FAM168A: variants seen among roughly 807,000 people sequenced by gnomAD.
The protein encoded by FAM168A is protein FAM168A.
A neutral mutation model predicts 28.5 loss-of-function variants in FAM168A; 3 were observed. The observed-to-expected ratio is 0.11, with a 90% CI of 0.05 to 0.27. The LOEUF is 0.27. FAM168A is among the 10% of genes least tolerant of loss of function. FAM168A has a pLI of 1.00. For synonymous variants in FAM168A, 122 were observed against 124.2 expected (o/e 0.98, Z 0.12); for missense variants, 222 against 311.5 (o/e 0.71, Z 2.16).
intron 1 of FAM168A, among the ~76,000 whole-genome samples, chr11:73,579,544 C>T (rs1001657064): frequency 6.6e-6 from 1 of 152,160 alleles, no homozygotes; most frequent in Non-Finnish European, 1.5e-5. Flanking sequence ...GGTAAAATAT[C>T]ATCAGTGTCA....
At chr11:73,446,646 T>C (rs1290073752) in intron 2 of FAM168A, among the ~76,000 whole-genome samples, 1 of 152,094 alleles carries the variant, frequency 6.6e-6, no homozygotes, top group East Asian at 1.9e-4. Flanking sequence ...CAACATCAAG[T>C]CCTAACTTAT....
intron 1 of FAM168A, among the ~76,000 whole-genome samples, chr11:73,485,383 T>C (rs7131397): frequency 0.13 from 19,838 of 152,190 alleles, 3,953 homozygotes; most frequent in African/African-American, 0.43. Context: ...TTGTTTATAA[T>C]GAGTTCTACT....
chr11:73,514,516 A>G lies in FAM168A; in HGVS notation c.-18-46024T>C, dbSNP rs376964704. Among the ~76,000 whole-genome samples the G allele has an allele frequency of 1.6e-4, 25 of 152,202 alleles. 2 individuals carry two copies. The highest frequency in any genetic ancestry group is 1.2e-3 in the Admixed American group (18 of 15,284). On this transcript the variant is annotated intron_variant, in intron 1 of 7. Transcript: ENST00000356467. The stretch of plus-strand genomic sequence containing the variant: ...AAAACAATCCCAGACTTCTGTCTGT[A>G]CAACACTTTATTTGTATGTCCAAAA...
intron 1 of FAM168A, among the ~76,000 whole-genome samples, chr11:73,587,354 TGG>T (rs1944327742): frequency 6.6e-6 from 1 of 151,964 alleles, no homozygotes; most frequent in African/African-American, 2.4e-5. Flanking sequence ...TAGCCGGGCA[TGG>T]TTTCGGGCAC....
chr11:73,448,191 G>A (rs2134542644), intron 2 of FAM168A, among the ~76,000 whole-genome samples: 1 of 152,244 alleles, frequency 6.6e-6, no homozygotes, highest in East Asian at 1.9e-4. Flanking sequence ...GGGACTACAG[G>A]TGCATGTCAC....
chr11:73,489,494 C>T (rs1475079867), intron 1 of FAM168A, among the ~76,000 whole-genome samples: 4 of 151,206 alleles, frequency 2.6e-5, no homozygotes, highest in Non-Finnish European at 5.9e-5. Context: ...TTCTCTCCCC[C>T]ACACCCCATC....
intron 2 of FAM168A, among the ~76,000 whole-genome samples, chr11:73,436,133 T>A (rs1350649070): frequency 1.3e-5 from 2 of 152,156 alleles, no homozygotes; most frequent in Non-Finnish European, 2.9e-5. Context: ...AAGGCTGCAG[T>A]AGTGATCAGG....
At chr11:73,564,574 T>A in intron 1 of FAM168A, among the ~76,000 whole-genome samples, 1 of 149,824 alleles carries the variant, frequency 6.7e-6, no homozygotes, top group African/African-American at 2.5e-5. Flanking sequence ...CCGTCTCTAC[T>A]AAAAATACAA....
chr11:73,567,542 G>A (rs972017119), intron 1 of FAM168A, among the ~76,000 whole-genome samples: 2 of 152,068 alleles, frequency 1.3e-5, no homozygotes, highest in Non-Finnish European at 2.9e-5. Flanking sequence ...ACTGCTAATA[G>A]TATCCATTTT....
chr11:73,459,313 G>A (rs1169132321), intron 2 of FAM168A, among the ~76,000 whole-genome samples: 8 of 151,784 alleles, frequency 5.3e-5, no homozygotes, highest in Non-Finnish European at 8.8e-5. Flanking sequence ...GTGAAACCCC[G>A]TCTCTACTGA....
At chr11:73,488,804 C>T (rs1868089436) in intron 1 of FAM168A, among the ~76,000 whole-genome samples, 1 of 152,202 alleles carries the variant, frequency 6.6e-6, no homozygotes, top group Non-Finnish European at 1.5e-5. Flanking sequence ...TATTAACATA[C>T]TGTTACTTGT....
At chr11:73,434,717 T>C (rs1348735410) in intron 2 of FAM168A, among the ~76,000 whole-genome samples, 2 of 152,194 alleles carry the variant, frequency 1.3e-5, no homozygotes, top group Non-Finnish European at 2.9e-5. Flanking sequence ...GAAGACCTCA[T>C]AGGGTTTTCA....
At chr11:73,438,896 C>T (rs1867141787) in intron 2 of FAM168A, among the ~76,000 whole-genome samples, 1 of 152,116 alleles carries the variant, frequency 6.6e-6, no homozygotes, top group Admixed American at 6.6e-5. Context: ...TAAGAAGCTA[C>T]AAAGAATGAC....
chr11:73,464,515 A>G (rs1469214717), intron 2 of FAM168A, among the ~76,000 whole-genome samples: 3 of 152,240 alleles, frequency 2.0e-5, no homozygotes, highest in Non-Finnish European at 4.4e-5. Flanking sequence ...GGAGTCAGAA[A>G]GAGCTCTTGA....
At position 73,515,531 on chromosome 11, in the gene FAM168A, GA is replaced by G. The variant is rs545829227; in HGVS notation, c.-18-47040del. On this transcript the variant is annotated intron_variant, in intron 1 of 7. Transcript: ENST00000356467. ...CTCAAAAAAAAAAAAAAAAAGAAAA[GA>G]AACAACTATCTATTAATTAATTTTA... Among the ~76,000 whole-genome samples the G allele has an allele frequency of 2.2e-3, 309 of 139,134 alleles. 1 individual carries two copies. Among genetic ancestry groups the G allele is most frequent in the Non-Finnish European group, 3.2e-3 (202 of 63,758 alleles). 91.3% of individuals were successfully genotyped at this position (139,134 alleles called of 152,430 possible).
chr11:73,449,141 A>T (rs532859537), intron 2 of FAM168A, among the ~76,000 whole-genome samples: 181 of 151,418 alleles, frequency 1.2e-3, no homozygotes, highest in African/African-American at 3.9e-3. Flanking sequence ...TAATTTAAAA[A>T]TTTTTTTTTG....
In FAM168A at chr11:73,587,880, G is replaced by C. The variant is rs185665107; in HGVS notation, c.-19+10043C>G. On this transcript the variant is annotated intron_variant, in intron 1 of 7. Transcript: ENST00000356467. The stretch of plus-strand genomic sequence containing the variant: ...TTCTTCTGCCTCAGCCTCCCAAGTA[G>C]CTGGGATTACAGGTGTGTGCCACCA... Among the ~76,000 whole-genome samples, 956 of 152,124 alleles carry C rather than the reference G, an allele frequency of 6.3e-3. 5 individuals carry two copies. Among genetic ancestry groups the C allele is most frequent in the Non-Finnish European group, 9.7e-3 (657 of 67,994 alleles).
intron 1 of FAM168A, among the ~76,000 whole-genome samples, chr11:73,580,903 C>A (rs915388494): frequency 6.6e-6 from 1 of 152,168 alleles, no homozygotes; most frequent in African/African-American, 2.4e-5. Flanking sequence ...TCCCTTAAAC[C>A]CAGACATCTG....
At chr11:73,510,681 A>C in intron 1 of FAM168A, 1 of 346,390 alleles carries the variant, frequency 2.9e-6, no homozygotes, top group Non-Finnish European at 5.2e-6. Context: ...GATTCGGAAT[A>C]ATTTCCCATA....
Sources: allele counts gnomAD v4.1 joint callset (sites outside exome capture counted in the v4.1 genomes callset), GRCh38; gene constraint gnomAD v4.1.1; transcripts MANE v1.5; gene names NCBI Gene and HGNC (gene_info 2026-07-23, HGNC 2026-07-21).